LRPPRC: variants seen among roughly 807,000 people sequenced by gnomAD.
LRPPRC encodes leucine rich pentatricopeptide repeat containing, also known as leucine-rich PPR motif-containing protein, mitochondrial.
In LRPPRC, 120 loss-of-function variants were observed where a neutral mutation model predicts 180.3. The ratio of observed to expected loss-of-function variants is 0.67; its 90% CI spans 0.57 to 0.77. The LOEUF (loss-of-function observed/expected upper bound fraction) is 0.77. LRPPRC is among the 30% of genes least tolerant of loss of function. The pLI, the probability that LRPPRC is intolerant of heterozygous loss-of-function variation, is 0.00. For missense variants in LRPPRC, 2,012 were observed against 1,657.2 expected, an observed-to-expected ratio of 1.21 and a Z score of -3.72; for synonymous variants, 723 against 600.0, an observed-to-expected ratio of 1.21 and a Z score of -3.00.
chr2:43,899,282 G>A lies in LRPPRC; in HGVS notation c.3762C>T (p.Val1254=), dbSNP rs774104350. The A allele has an allele frequency of 1.2e-6, 2 of 1,614,114 alleles. No homozygotes were observed. The highest frequency in any genetic ancestry group is 1.7e-6 in the Non-Finnish European group (2 of 1,179,988). ...LANQFAIYKP[V]TDFFLQLVDA... ...CCACAAGTTGAAGGAAAAAATCAGTGACAGGTTTATAAATTGCAAACTGAT... is the reference window on the plus strand; with the variant it reads ...CCACAAGTTGAAGGAAAAAATCAGTAACAGGTTTATAAATTGCAAACTGAT... Residue 1254 remains valine (V), a synonymous_variant, in exon 34 of 38, where the codon GTC becomes GTT. Transcript: ENST00000260665.
chr2:43,959,144 G>T (rs1673235816), intron 13 of LRPPRC: 1 of 702,206 alleles, frequency 1.4e-6, no homozygotes, highest in South Asian at 1.6e-5. Context: ...GGAAAAGGCA[G>T]CTCTCATGGA....
At chr2:43,971,643 AAC>A (rs1673817358) in intron 11 of LRPPRC, among the ~76,000 whole-genome samples, 1 of 151,944 alleles carries the variant, frequency 6.6e-6, no homozygotes, top group Non-Finnish European at 1.5e-5. Flanking sequence ...TTCCTCATGA[AAC>A]ACAGCACATC....
intron 30 of LRPPRC, 92 bp from the exon 31 acceptor site, chr2:43,905,872 C>A (rs1671051687): frequency 3.5e-6 from 3 of 865,548 alleles, no homozygotes; most frequent in Non-Finnish European, 5.9e-6. Context: ...ATAAAAACTA[C>A]TGTTCGTATG....
At chr2:43,936,979 T>C (rs1185515230) in intron 23 of LRPPRC, among the ~76,000 whole-genome samples, 1 of 152,130 alleles carries the variant, frequency 6.6e-6, no homozygotes, top group Non-Finnish European at 1.5e-5. Context: ...TAAAACATTT[T>C]TTAAGAGCAA....
chr2:43,976,045 T>G, intron 6 of LRPPRC, 98 bp downstream of exon 6: 1 of 720,552 alleles, frequency 1.4e-6, no homozygotes, highest in East Asian at 2.6e-5. Flanking sequence ...TTTTCTCTAA[T>G]TTAAACCCCA....
chr2:43,995,727 C>G (rs1454248236), intron 1 of LRPPRC, 72 bp downstream of exon 1: 1 of 1,297,032 alleles, frequency 7.7e-7, no homozygotes, highest in African/African-American at 1.6e-5. Flanking sequence ...AGGACCCGGT[C>G]CCTGCCGGCA....
chr2:43,949,660 C>G lies in LRPPRC; in HGVS notation c.1678-1G>C. On this transcript the variant is annotated splice_acceptor_variant, in intron 15 of 37. Coordinates refer to ENST00000260665, the MANE Select transcript of LRPPRC (RefSeq NM_133259.4). LOFTEE classifies it high-confidence loss of function. ...CATCCTTGTACAACAATTCTGTTAT[C>G]TGGTAAGACAGAAAATTCGTGCATT... The G allele has an allele frequency of 6.2e-7, 1 of 1,611,932 alleles. No individual in the cohort carries two copies. Among genetic ancestry groups the G allele is most frequent in the Non-Finnish European group, 8.5e-7 (1 of 1,178,088 alleles).
At chr2:43,959,195 G>A in intron 13 of LRPPRC, 1 of 716,272 alleles carries the variant, frequency 1.4e-6, no homozygotes, top group Non-Finnish European at 2.6e-6. Context: ...ATGCTTCTCT[G>A]TTTTCTTCTT....
intron 15 of LRPPRC, among the ~76,000 whole-genome samples, chr2:43,950,300 C>T (rs1479266959): frequency 6.6e-6 from 1 of 151,772 alleles, no homozygotes; most frequent in African/African-American, 2.4e-5. Flanking sequence ...CCATGGTGGT[C>T]GGCTGCACAG....
intron 36 of LRPPRC, 46 bp from the exon 37 acceptor site, chr2:43,889,922 ATC>A: frequency 1.4e-6 from 2 of 1,451,000 alleles, no homozygotes. Context: ...AAGACAACCT[ATC>A]TTACTCTTTT....
chr2:43,954,361 ATAGT>A (rs1210450729), intron 14 of LRPPRC, among the ~76,000 whole-genome samples: 2 of 152,240 alleles, frequency 1.3e-5, no homozygotes, highest in Non-Finnish European at 1.5e-5. Flanking sequence ...ACCCTGCTTA[ATAGT>A]TAGGAAGATG....
At chr2:43,986,999 C>G (rs997983503) in intron 1 of LRPPRC, among the ~76,000 whole-genome samples, 5 of 152,162 alleles carry the variant, frequency 3.3e-5, no homozygotes, top group African/African-American at 1.2e-4. Flanking sequence ...TTTCACCAAT[C>G]CCTAATTTAA....
chr2:43,905,681 T>C lies in LRPPRC; in HGVS notation c.3364+11A>G, dbSNP rs1429521355. The C allele has an allele frequency of 4.4e-6, 7 of 1,596,512 alleles. No individual in the cohort carries two copies. The highest frequency in any genetic ancestry group is 6.0e-6 in the Non-Finnish European group (7 of 1,164,000). On this transcript the variant is annotated intron_variant, in intron 31 of 37. Coordinates refer to ENST00000260665, the MANE Select transcript of LRPPRC (RefSeq NM_133259.4). ...ATTAATGTGACGTAAAGGTCAAGCA[T>C]TGTGACATACCTTTCAAATAATCCC...
intron 1 of LRPPRC, among the ~76,000 whole-genome samples, chr2:43,987,594 T>TA (rs781192193): frequency 1.5e-4 from 23 of 151,976 alleles, no homozygotes; most frequent in Non-Finnish European, 1.5e-4. Context: ...CTCAAAATCT[T>TA]AGACTAATTA....
At chr2:43,917,549 G>A (rs1248040287) in intron 29 of LRPPRC, among the ~76,000 whole-genome samples, 1 of 151,884 alleles carries the variant, frequency 6.6e-6, no homozygotes, top group Non-Finnish European at 1.5e-5. Flanking sequence ...CAGCACTTTG[G>A]GAGGCCGAGG....
Position 43,896,634 on chromosome 2 carries a change from C to A in LRPPRC, c.3900G>T (p.Lys1300Asn). 6.2e-7 allele frequency: 1 copy of A among 1,602,546 alleles called. No homozygotes were observed. Among genetic ancestry groups the A allele is most frequent in the Non-Finnish European group, 8.5e-7 (1 of 1,169,784 alleles). The change falls in exon 35 of 38, where the codon AAG becomes AAT. Residue 1300 changes from lysine (K) to asparagine (N), a missense_variant and splice_region_variant. Coordinates refer to ENST00000260665, the MANE Select transcript of LRPPRC (RefSeq NM_133259.4). ...TTTGTAAGCAGGTAAAGCACAGTACCTTTCCTTGTTTCCTAGAATTCCTAA... is the reference window on the plus strand; with the variant it reads ...TTTGTAAGCAGGTAAAGCACAGTACATTTCCTTGTTTCCTAGAATTCCTAA... ...FLLRNSRKQG[K>N]ASTVKSVLEL... is the part of the protein sequence containing the mutation.
intron 29 of LRPPRC, among the ~76,000 whole-genome samples, chr2:43,916,650 G>A (rs778726719): frequency 3.3e-5 from 5 of 152,096 alleles, no homozygotes; most frequent in Non-Finnish European, 5.9e-5. Flanking sequence ...CATATGTACA[G>A]CAAAGTATGA....
chr2:43,899,693 C>T (rs767227583), intron 32 of LRPPRC, 88 bp from the exon 33 acceptor site: 1 of 819,754 alleles, frequency 1.2e-6, no homozygotes, highest in Non-Finnish European at 2.1e-6. Flanking sequence ...TTTATATCCA[C>T]TCATGCTAAT....
At chr2:43,978,280 T>C (rs1674146508) in intron 3 of LRPPRC, among the ~76,000 whole-genome samples, 1 of 152,156 alleles carries the variant, frequency 6.6e-6, no homozygotes. Flanking sequence ...AACTACAAGG[T>C]TTCTGGCAAT....
Sources: gnomAD v4.1 joint callset for allele counts (sites outside exome capture counted in the v4.1 genomes callset) on GRCh38, gnomAD v4.1.1 for gene constraint, MANE v1.5 for transcripts, NCBI Gene and HGNC (gene_info 2026-07-23, HGNC 2026-07-21) for gene names.